CD44: variants seen among roughly 807,000 people sequenced by gnomAD.
CD44 encodes CD44 molecule (IN blood group).
CD44 carries 49 observed loss-of-function variants against 88.8 expected under a neutral mutation model. That is an observed-to-expected ratio of 0.55 (90% CI 0.44 to 0.70). The LOEUF is 0.70. Among genes scored for constraint, CD44 ranks in the 30% least tolerant of loss-of-function variants. The pLI, the probability that CD44 is intolerant of heterozygous loss-of-function variation, is 0.00. For missense variants in CD44, 883 were observed against 913.8 expected (o/e 0.97, Z 0.43); for synonymous variants, 325 against 312.3 (o/e 1.04, Z -0.43).
In CD44 at chr11:35,229,531, G is replaced by A. The variant is rs1591373721; in HGVS notation, c.*198G>A. 1.8e-6 allele frequency: 1 copy of A among 552,950 alleles called. No homozygotes were observed. The highest frequency in any genetic ancestry group is 2.4e-5 in the South Asian group (1 of 42,448). 34.3% of individuals were successfully genotyped at this position (552,950 alleles called of 1,614,324 possible). A position where few individuals can be genotyped will look rare whatever the true frequency, so the allele number is the denominator to read the frequency against. On this transcript the variant is annotated 3_prime_UTR_variant, in exon 18 of 18. Coordinates refer to ENST00000428726, the MANE Select transcript of CD44 (RefSeq NM_000610.4). Reference sequence around the variant, plus strand: ...ATTTGTAAAAACAGCATTGCTTTCTGAAATTAGGGCCCAATTAATAATCAG... The same window carrying A: ...ATTTGTAAAAACAGCATTGCTTTCTAAAATTAGGGCCCAATTAATAATCAG...
intron 1 of CD44, among the ~76,000 whole-genome samples, chr11:35,156,849 T>C (rs1036601853): frequency 6.6e-6 from 1 of 152,180 alleles, no homozygotes; most frequent in Non-Finnish European, 1.5e-5. Context: ...CTGGGCAACA[T>C]AGTGAGACCC....
intron 2 of CD44, among the ~76,000 whole-genome samples, chr11:35,179,824 G>T (rs1944819310): frequency 6.6e-6 from 1 of 152,128 alleles, no homozygotes; most frequent in Non-Finnish European, 1.5e-5. Context: ...TGGAATGTGT[G>T]CACTGAAATA....
intron 5 of CD44, 139 bp downstream of exon 5, chr11:35,190,204 G>A (rs931833093): frequency 5.7e-6 from 4 of 704,972 alleles, no homozygotes; most frequent in South Asian, 5.3e-5. Context: ...TCAGGGAGGT[G>A]GGCTCTTGTG....
At chr11:35,192,964 A>G (rs1454264660) in intron 5 of CD44, among the ~76,000 whole-genome samples, 3 of 151,886 alleles carry the variant, frequency 2.0e-5, no homozygotes, top group Non-Finnish European at 4.4e-5. Flanking sequence ...TTCCTCTGGT[A>G]CTATTTTTTC....
Position 35,196,860 on chromosome 11 carries a change from C to T in CD44, c.782C>T (p.Thr261Ile). The change falls in exon 6 of 18, where the codon ACA becomes ATA. Residue 261 changes from threonine (T) to isoleucine (I), a missense_variant. By Grantham distance (89) the Thr-to-Ile change is moderately conservative (BLOSUM62 -1). Transcript: ENST00000428726. ...PSESKNHLHT[T>I]TQMAGTSSNT... Reference sequence around the variant, plus strand: ...GAGTCAAAGAATCATCTTCACACAACAACACAAATGGCTGGTAATGAGTTA... The same window carrying T: ...GAGTCAAAGAATCATCTTCACACAATAACACAAATGGCTGGTAATGAGTTA... 1 of 1,613,454 alleles carries T rather than the reference C, an allele frequency of 6.2e-7. No individual in the cohort carries two copies. The highest frequency in any genetic ancestry group is 8.5e-7 in the Non-Finnish European group (1 of 1,179,534).
chr11:35,228,013 T>C (rs1333674224), intron 17 of CD44, among the ~76,000 whole-genome samples: 1 of 152,174 alleles, frequency 6.6e-6, no homozygotes, highest in African/African-American at 2.4e-5. Context: ...AAATGTCTGG[T>C]ATTCAGGAGG....
In CD44 at chr11:35,189,923, T is replaced by C; in HGVS notation, c.525T>C (p.Asp175=). Residue 175 remains aspartate, a synonymous_variant, in exon 5 of 18, where the codon GAT becomes GAC. Transcript: ENST00000428726. ...ACATCTACCCCAGCAACCCTACTGA[T>C]GATGACGTGAGCAGCGGCTCCTCCA... ...PEDIYPSNPT[D]DDVSSGSSSE... 1 of 1,614,192 alleles carries C rather than the reference T, an allele frequency of 6.2e-7. No homozygotes were observed. Among genetic ancestry groups the C allele is most frequent in the South Asian group, 1.1e-5 (1 of 91,082 alleles).
At position 35,189,857 on chromosome 11, in the gene CD44, C is replaced by A. The variant is rs763067758; in HGVS notation, c.459C>A (p.Thr153=). The A allele has an allele frequency of 4.3e-6, 7 of 1,613,600 alleles. No individual in the cohort carries two copies. The African/African-American group carries it at 5.3e-5, about 12-fold the overall frequency. The part of the protein sequence containing the change: ...ITITIVNRDG[T]RYVQKGEYRT... ...CAGCTATTGTTAACCGTGATGGCAC[C>A]CGCTATGTCCAGAAAGGAGAATACA... The change falls in exon 5 of 18, where the codon ACC becomes ACA. Residue 153 remains threonine (T), a synonymous_variant. Coordinates refer to ENST00000428726, the MANE Select transcript of CD44 (RefSeq NM_000610.4).
chr11:35,196,249 T>C (rs940584743), intron 5 of CD44, among the ~76,000 whole-genome samples: 7 of 152,236 alleles, frequency 4.6e-5, no homozygotes, highest in Non-Finnish European at 8.8e-5. Flanking sequence ...ATGAAGAAGT[T>C]CATTGTTGGA....
chr11:35,182,893 C>A (rs1945294807), intron 3 of CD44, among the ~76,000 whole-genome samples: 1 of 152,174 alleles, frequency 6.6e-6, no homozygotes, highest in African/African-American at 2.4e-5. Context: ...CTAAAAGGAA[C>A]CTCAACTCAG....
intron 1 of CD44, among the ~76,000 whole-genome samples, chr11:35,155,092 G>C (rs531010057): frequency 6.6e-6 from 1 of 152,218 alleles, no homozygotes; most frequent in Admixed American, 6.5e-5. Context: ...TGGAGGAGCG[G>C]CTTTTTGGGA....
At chr11:35,186,167 C>A (rs980641484) in intron 3 of CD44, among the ~76,000 whole-genome samples, 2 of 152,186 alleles carry the variant, frequency 1.3e-5, no homozygotes, top group African/African-American at 4.8e-5. Context: ...TGCTGAGAAG[C>A]AGTCTATACA....
At chr11:35,157,616 G>A (rs1942075218) in intron 1 of CD44, among the ~76,000 whole-genome samples, 2 of 152,036 alleles carry the variant, frequency 1.3e-5, no homozygotes, top group South Asian at 4.1e-4. Flanking sequence ...CAATACACAG[G>A]CCACATCTTC....
At chr11:35,162,972 T>A (rs1166061588) in intron 1 of CD44, among the ~76,000 whole-genome samples, 2 of 152,064 alleles carry the variant, frequency 1.3e-5, no homozygotes, top group African/African-American at 2.4e-5. Flanking sequence ...AAGACAGAGA[T>A]TGAGTCACCA....
chr11:35,145,641 A>G (rs940361569), intron 1 of CD44, among the ~76,000 whole-genome samples: 1 of 152,210 alleles, frequency 6.6e-6, no homozygotes, highest in African/African-American at 2.4e-5. Context: ...ACTCCCCAGC[A>G]GCAGCCACCT....
chr11:35,191,052 A>G (rs1443822550), intron 5 of CD44, among the ~76,000 whole-genome samples: 2 of 152,174 alleles, frequency 1.3e-5, no homozygotes, highest in Non-Finnish European at 2.9e-5. Flanking sequence ...AGGATTAATC[A>G]AACTCAAATA....
intron 13 of CD44, 39 bp from the exon 14 acceptor site, chr11:35,211,207 T>C (rs747496419): frequency 6.6e-7 from 1 of 1,523,024 alleles, no homozygotes; most frequent in Non-Finnish European, 9.1e-7. Flanking sequence ...GTGGTGATCT[T>C]ACAAATACGG....
At chr11:35,214,412 G>A (rs1158528019) in intron 14 of CD44, among the ~76,000 whole-genome samples, 1 of 152,016 alleles carries the variant, frequency 6.6e-6, no homozygotes, top group African/African-American at 2.4e-5. Context: ...CATGCCCTAA[G>A]CCAGAGTATG....
At position 35,198,228 on chromosome 11, in the gene CD44, G is replaced by A. The variant is rs777902530; in HGVS notation, c.904G>A (p.Asp302Asn). 6 of 1,613,976 alleles carry A rather than the reference G, an allele frequency of 3.7e-6. No homozygotes were observed. In the East Asian group the frequency reaches 6.7e-5, roughly 18 times the overall value. Residue 302 changes from aspartate (D) to asparagine (N), a missense_variant, in exon 7 of 18, where the codon GAT (aspartate) becomes AAT (asparagine). Physicochemically the swap from Asp to Asn is conservative, Grantham distance 23. Transcript: ENST00000428726. Reference sequence around the variant, plus strand: ...TGGATCAGGCATTGATGATGATGAAGATTTTATCTCCAGCACCAGTAAGAA... The same window carrying A: ...TGGATCAGGCATTGATGATGATGAAAATTTTATCTCCAGCACCAGTAAGAA... The part of the protein sequence containing the change: ...FSGSGIDDDE[D>N]FISSTISTTP...
Sources: allele counts gnomAD v4.1 joint callset (sites outside exome capture counted in the v4.1 genomes callset), GRCh38; gene constraint gnomAD v4.1.1; transcripts MANE v1.5; gene names NCBI Gene and HGNC (gene_info 2026-07-23, HGNC 2026-07-21).